The following CACNA2D1 variants were observed in gnomAD, a reference collection of about 807,000 sequenced individuals.
The protein encoded by CACNA2D1 is voltage-dependent calcium channel subunit alpha-2/delta-1.
Under a neutral mutation model 171.5 loss-of-function variants are expected in CACNA2D1, and 53 were observed. That is an observed-to-expected ratio of 0.31 (90% CI 0.25 to 0.39). The LOEUF (loss-of-function observed/expected upper bound fraction) is 0.39, where lower values mean the gene tolerates loss of function less well. CACNA2D1 is among the 10% of genes least tolerant of loss of function. CACNA2D1 has a pLI of 1.00. For missense variants in CACNA2D1, 903 were observed against 1,299.8 expected (o/e 0.69, Z 4.69); for synonymous variants, 442 against 443.1 (o/e 1.00, Z 0.03).
At chr7:82,270,132 T>A (rs1267366722) in intron 3 of CACNA2D1, among the ~76,000 whole-genome samples, 2 of 152,174 alleles carry the variant, frequency 1.3e-5, no homozygotes, top group African/African-American at 4.8e-5. Flanking sequence ...ACTAAATTCT[T>A]CAGCTGTTCT....
chr7:82,324,962 C>A (rs1417171773), intron 3 of CACNA2D1, among the ~76,000 whole-genome samples: 2 of 152,134 alleles, frequency 1.3e-5, no homozygotes, highest in Non-Finnish European at 2.9e-5. Context: ...AGCATCACTT[C>A]CTGCTCATAC....
intron 3 of CACNA2D1, among the ~76,000 whole-genome samples, chr7:82,274,519 T>G (rs1342936056): frequency 6.6e-6 from 1 of 152,196 alleles, no homozygotes; most frequent in Non-Finnish European, 1.5e-5. Flanking sequence ...TCACATATTC[T>G]TTACACTGTC....
chr7:81,979,632 G>A lies in CACNA2D1; in HGVS notation c.1955+2935C>T, dbSNP rs147876494. 4.7e-3 allele frequency among the ~76,000 whole-genome samples: 708 copies of A among 152,132 alleles called. 7 individuals carry two copies. The highest frequency in any genetic ancestry group is 0.016 in the African/African-American group (672 of 41,514). On this transcript the variant is annotated intron_variant, in intron 24 of 38. Transcript: ENST00000356860. Reference sequence around the variant, plus strand: ...ATTGTTTGCTATGTTAATATTCTGCGGGACCCTGTTTTTGTTGTTTTTGTT... The same window carrying A: ...ATTGTTTGCTATGTTAATATTCTGCAGGACCCTGTTTTTGTTGTTTTTGTT...
chr7:81,954,694 T>G (rs1040917443), intron 38 of CACNA2D1, among the ~76,000 whole-genome samples: 1 of 152,174 alleles, frequency 6.6e-6, no homozygotes, highest in Non-Finnish European at 1.5e-5. Context: ...GATCTTTTTT[T>G]CTGAATTATA....
chr7:82,148,706 C>T (rs1028885623), intron 4 of CACNA2D1, among the ~76,000 whole-genome samples: 9 of 152,260 alleles, frequency 5.9e-5, no homozygotes, highest in African/African-American at 1.4e-4. Context: ...GGCACAATCT[C>T]GGCTCAGTGC....
intron 3 of CACNA2D1, among the ~76,000 whole-genome samples, chr7:82,244,587 C>CT (rs1804690657): frequency 6.6e-6 from 1 of 151,580 alleles, no homozygotes; most frequent in South Asian, 2.1e-4. Flanking sequence ...GACCTGACGT[C>CT]TTAACATCAG....
chr7:82,365,957 G>C (rs1821649511), intron 1 of CACNA2D1, among the ~76,000 whole-genome samples: 1 of 152,152 alleles, frequency 6.6e-6, no homozygotes, highest in African/African-American at 2.4e-5. Flanking sequence ...CTATCATTCT[G>C]ACAGGGGGCC....
intron 2 of CACNA2D1, among the ~76,000 whole-genome samples, chr7:82,337,754 G>T (rs902225874): frequency 6.6e-6 from 1 of 152,130 alleles, no homozygotes; most frequent in Admixed American, 6.6e-5. Context: ...CTACTAGAAA[G>T]AATGTAGCAT....
rs1322000980 is a variant in CACNA2D1, at chr7:81,948,824, A to T, written c.*1568T>A. On this transcript the variant is annotated 3_prime_UTR_variant, in exon 39 of 39. Transcript: ENST00000356860. Reference sequence around the variant, plus strand: ...CATAGTTTTTACCTTTTCTTCAAATACTGTTTGCTCCAGAAAATAATTTTT... The same window carrying T: ...CATAGTTTTTACCTTTTCTTCAAATTCTGTTTGCTCCAGAAAATAATTTTT... The T allele has an allele frequency of 6.6e-6, 1 of 151,930 alleles. No homozygotes were observed. Among genetic ancestry groups the T allele is most frequent in the Non-Finnish European group, 1.5e-5 (1 of 67,886 alleles). 9.4% of individuals were successfully genotyped at this position (151,930 alleles called of 1,614,324 possible). A position where few individuals can be genotyped will look rare whatever the true frequency, so the allele number is the denominator to read the frequency against.
chr7:82,065,397 C>T (rs1807486143), intron 8 of CACNA2D1, among the ~76,000 whole-genome samples: 1 of 152,130 alleles, frequency 6.6e-6, no homozygotes. Context: ...ACATGTCTGC[C>T]TCTACTGATT....
At chr7:82,408,271 C>T (rs2129453658) in intron 1 of CACNA2D1, among the ~76,000 whole-genome samples, 1 of 152,198 alleles carries the variant, frequency 6.6e-6, no homozygotes, top group South Asian at 2.1e-4. Context: ...GGTCTGCCAT[C>T]TCGGCCTCCC....
At chr7:82,118,613 T>C (rs555793624) in intron 5 of CACNA2D1, among the ~76,000 whole-genome samples, 1 of 152,228 alleles carries the variant, frequency 6.6e-6, no homozygotes, top group South Asian at 2.1e-4. Flanking sequence ...AAGTCTTTTC[T>C]ATTAATATTA....
Position 81,969,007 on chromosome 7 carries a change from A to T in CACNA2D1, c.2309-34T>A, listed in dbSNP as rs187344247. The T allele has an allele frequency of 1.3e-4, 147 of 1,120,662 alleles. No individual in the cohort carries two copies. The East Asian group carries it at 1.8e-3, about 14-fold the overall frequency. The allele number at this position is 1,120,662 out of a possible 1,614,324, so 69.4% of individuals were successfully genotyped here. The stretch of plus-strand genomic sequence containing the variant: ...AAAATAAATAAATAAAACACCTATC[A>T]AGATATATTGAATAATAATATTGAT... On this transcript the variant is annotated intron_variant, in intron 28 of 38. Coordinates refer to ENST00000356860, the MANE Select transcript of CACNA2D1 (RefSeq NM_000722.4).
intron 3 of CACNA2D1, among the ~76,000 whole-genome samples, chr7:82,302,682 G>A (rs923826109): frequency 1.3e-5 from 2 of 152,124 alleles, no homozygotes; most frequent in African/African-American, 4.8e-5. Flanking sequence ...TTCCCTAAGC[G>A]CTGGAAATAC....
chr7:82,310,011 A>G (rs886754598), intron 3 of CACNA2D1, among the ~76,000 whole-genome samples: 4 of 152,186 alleles, frequency 2.6e-5, no homozygotes, highest in African/African-American at 9.6e-5. Flanking sequence ...ATACTATAAC[A>G]TTAATTATTA....
intron 1 of CACNA2D1, among the ~76,000 whole-genome samples, chr7:82,374,025 G>T (rs1161913090): frequency 6.6e-6 from 1 of 152,182 alleles, no homozygotes; most frequent in East Asian, 1.9e-4. Context: ...GCTTCCTTCT[G>T]TTGCCAGCTA....
intron 1 of CACNA2D1, among the ~76,000 whole-genome samples, chr7:82,385,674 TG>T (rs1370098786): frequency 6.6e-6 from 1 of 151,858 alleles, no homozygotes; most frequent in Non-Finnish European, 1.5e-5. Flanking sequence ...TGTTTTGTTT[TG>T]TTTTTTTGAG....
intron 7 of CACNA2D1, among the ~76,000 whole-genome samples, chr7:82,075,058 T>C (rs960555329): frequency 5.3e-5 from 8 of 152,082 alleles, no homozygotes; most frequent in African/African-American, 1.9e-4. Flanking sequence ...TTCCCCTCCC[T>C]GTGTCCATGT....
chr7:81,960,968 A>T (rs1326211299), intron 36 of CACNA2D1, among the ~76,000 whole-genome samples: 1 of 151,990 alleles, frequency 6.6e-6, no homozygotes, highest in Admixed American at 6.6e-5. Context: ...TGCTAAAGAA[A>T]GTCATAAAAC....
Sources: gnomAD v4.1 joint callset for allele counts (sites outside exome capture counted in the v4.1 genomes callset) on GRCh38, gnomAD v4.1.1 for gene constraint, MANE v1.5 for transcripts, NCBI Gene and HGNC (gene_info 2026-07-23, HGNC 2026-07-21) for gene names.